Variants in SPATA17 observed in about 807,000 individuals in gnomAD.
SPATA17 encodes the protein spermatogenesis-associated protein 17.
SPATA17 carries 53 observed loss-of-function variants against 62.2 expected under a neutral mutation model. The ratio of observed to expected loss-of-function variants is 0.85; its 90% CI spans 0.68 to 1.07. The LOEUF (loss-of-function observed/expected upper bound fraction) is 1.07, where lower values mean the gene tolerates loss of function less well. SPATA17 is among the 50% of genes least tolerant of loss of function. The pLI, the probability that SPATA17 is intolerant of heterozygous loss-of-function variation, is 0.00. For missense variants in SPATA17, 466 were observed against 425.5 expected (o/e 1.10, Z -0.84); for synonymous variants, 146 against 146.8 (o/e 0.99, Z 0.04).
chr1:217,727,202 G>A (rs887147085), intron 5 of SPATA17, among the ~76,000 whole-genome samples: 6 of 151,166 alleles, frequency 4.0e-5, no homozygotes, highest in African/African-American at 1.5e-4. Context: ...AGCGGAGATC[G>A]CGCCATTGCA....
rs1403516218 is a variant in SPATA17 at position 217,751,756 on chromosome 1, A to G, written c.519+9658A>G. ...GCCATCTTTTAACTACCTCACATCT[A>G]AGAAAGAGGCAACAATTTCCGAAAG... On this transcript the variant is annotated intron_variant, in intron 6 of 10. Transcript: ENST00000366933. Among the ~76,000 whole-genome samples, 3 of 152,188 alleles carry G rather than the reference A, an allele frequency of 2.0e-5. No individual in the cohort carries two copies. The East Asian group carries it at 5.8e-4, about 29-fold the overall frequency.
chr1:217,716,920 A>G (rs1179511543), intron 5 of SPATA17, among the ~76,000 whole-genome samples: 1 of 152,182 alleles, frequency 6.6e-6, no homozygotes, highest in Non-Finnish European at 1.5e-5. Context: ...GTCTTCTTAT[A>G]CCTCAGAGAT....
rs539186739 is a variant in SPATA17, at chr1:217,673,871, A to T, written c.291+4788A>T. On this transcript the variant is annotated intron_variant, in intron 4 of 10. Coordinates refer to ENST00000366933, the MANE Select transcript of SPATA17 (RefSeq NM_138796.4). ...TTCGTGGAATTGTTTTTTCCATCCT[A>T]AAGTCTATTTCTTGTCCCTTTTTCC... Among the ~76,000 whole-genome samples, 10 of 152,270 alleles carry T rather than the reference A, an allele frequency of 6.6e-5. No individual in the cohort carries two copies. The South Asian group carries it at 2.1e-3, about 32-fold the overall frequency.
chr1:217,765,378 A>ATT (rs1044095449), intron 6 of SPATA17, among the ~76,000 whole-genome samples: 1 of 150,882 alleles, frequency 6.6e-6, no homozygotes, highest in Non-Finnish European at 1.5e-5. Flanking sequence ...GATTTTATAT[A>ATT]TTTTTTCTAA....
rs749492663 is a variant in SPATA17, at chr1:217,742,114, CCT to C, written c.519+17_519+18del. The C allele has an allele frequency of 2.5e-6, 4 of 1,613,490 alleles. No homozygotes were observed. The South Asian group carries it at 4.4e-5, about 18-fold the overall frequency. ...CACAAAGCAGGTTGGTTTACCTGTC[CCT>C]GACAGCTCCTGTAAGCCACTTGGGC... On this transcript the variant is annotated intron_variant, in intron 6 of 10. Transcript: ENST00000366933.
intron 8 of SPATA17, among the ~76,000 whole-genome samples, chr1:217,797,016 C>A (rs1674166121): frequency 6.6e-6 from 1 of 152,066 alleles, no homozygotes; most frequent in South Asian, 2.1e-4. Flanking sequence ...CAAAATTATT[C>A]ATTATTAACT....
chr1:217,730,219 A>ATT (rs200764601), intron 5 of SPATA17, among the ~76,000 whole-genome samples: 24 of 142,144 alleles, frequency 1.7e-4, no homozygotes, highest in African/African-American at 4.6e-4. Context: ...CAGTAAAGTG[A>ATT]TTTTTTTTTT....
At chr1:217,840,165 T>C (rs1223592600) in intron 9 of SPATA17, among the ~76,000 whole-genome samples, 1 of 152,152 alleles carries the variant, frequency 6.6e-6, no homozygotes, top group Non-Finnish European at 1.5e-5. Flanking sequence ...AAAACAAAGG[T>C]ATTTAATTCC....
chr1:217,709,715 A>G (rs1671814762), intron 5 of SPATA17, among the ~76,000 whole-genome samples: 1 of 152,240 alleles, frequency 6.6e-6, no homozygotes, highest in African/African-American at 2.4e-5. Flanking sequence ...TTTTAGAGGC[A>G]GTCTTGTCTT....
intron 5 of SPATA17, among the ~76,000 whole-genome samples, chr1:217,735,894 T>A (rs987902921): frequency 1.3e-5 from 2 of 151,776 alleles, no homozygotes. Flanking sequence ...GAGCAAATAT[T>A]GAACTGTATA....
At chr1:217,647,076 A>G (rs1207758575) in intron 1 of SPATA17, among the ~76,000 whole-genome samples, 2 of 152,256 alleles carry the variant, frequency 1.3e-5, no homozygotes, top group Admixed American at 6.5e-5. Flanking sequence ...TCAGAGGGGT[A>G]TTGAAAGGAT....
Position 217,669,048 on chromosome 1 carries a change from A to C in SPATA17, c.256A>C (p.Met86Leu), listed in dbSNP as rs144229899. ...TGATTCACAGGTAGCATATTATACT[A>C]TGATGATGAATCTCTACAATGCAAT... ...QLTVQVAYYT[M>L]MMNLYNAMAV... is the part of the protein sequence containing the mutation. Residue 86 changes from methionine to leucine, a missense_variant, in exon 4 of 11, where the codon ATG becomes CTG. By Grantham distance (15) the Met-to-Leu change is conservative. Coordinates refer to ENST00000366933, the MANE Select transcript of SPATA17 (RefSeq NM_138796.4). The C allele has an allele frequency of 3.0e-5, 49 of 1,611,854 alleles. No homozygotes were observed. In the African/African-American group the frequency reaches 5.5e-4, roughly 18 times the overall value.
chr1:217,793,838 G>A (rs1388034253), intron 8 of SPATA17, among the ~76,000 whole-genome samples: 1 of 152,032 alleles, frequency 6.6e-6, no homozygotes, highest in African/African-American at 2.4e-5. Context: ...AAAGGAGGCC[G>A]GGTGCGGTGG....
At chr1:217,812,035 A>G (rs1674604343) in intron 9 of SPATA17, among the ~76,000 whole-genome samples, 1 of 152,200 alleles carries the variant, frequency 6.6e-6, no homozygotes, top group African/African-American at 2.4e-5. Context: ...TTCTATGGCA[A>G]GATGGAGTTG....
intron 9 of SPATA17, among the ~76,000 whole-genome samples, chr1:217,845,438 G>A (rs1162751014): frequency 6.6e-6 from 1 of 151,962 alleles, no homozygotes; most frequent in Non-Finnish European, 1.5e-5. Flanking sequence ...ACTAATAATT[G>A]ATGGAAGAGA....
At chr1:217,670,533 A>G (rs1410681289) in intron 4 of SPATA17, among the ~76,000 whole-genome samples, 1 of 152,208 alleles carries the variant, frequency 6.6e-6, no homozygotes, top group Non-Finnish European at 1.5e-5. Context: ...TTATTCCAAC[A>G]TATACTAAAA....
intron 9 of SPATA17, among the ~76,000 whole-genome samples, chr1:217,834,190 C>T (rs1675208279): frequency 6.6e-6 from 1 of 152,030 alleles, no homozygotes; most frequent in East Asian, 1.9e-4. Flanking sequence ...TATTGCTTTA[C>T]CAGCCATATA....
intron 5 of SPATA17, among the ~76,000 whole-genome samples, chr1:217,690,201 C>A (rs961893050): frequency 6.6e-6 from 1 of 152,080 alleles, no homozygotes; most frequent in Non-Finnish European, 1.5e-5. Context: ...CCGGGCCCAG[C>A]CTTTACTTTA....
At chr1:217,689,624 T>C (rs1300567553) in intron 5 of SPATA17, among the ~76,000 whole-genome samples, 1 of 152,164 alleles carries the variant, frequency 6.6e-6, no homozygotes, top group African/African-American at 2.4e-5. Context: ...GATCACTCTA[T>C]CCTCTAATAT....
Sources: allele counts gnomAD v4.1 joint callset (sites outside exome capture counted in the v4.1 genomes callset), GRCh38; gene constraint gnomAD v4.1.1; transcripts MANE v1.5; gene names NCBI Gene and HGNC (gene_info 2026-07-23, HGNC 2026-07-21).